BAZ2B: variants seen among roughly 807,000 people sequenced by gnomAD.
The protein encoded by BAZ2B is bromodomain adjacent to zinc finger domain 2B, also known as bromodomain adjacent to zinc finger domain protein 2B.
BAZ2B carries 91 observed loss-of-function variants against 246.0 expected under a neutral mutation model. That is an observed-to-expected ratio of 0.37 (90% CI 0.31 to 0.44). The LOEUF (loss-of-function observed/expected upper bound fraction) is 0.44, where lower values mean the gene tolerates loss of function less well. Among genes scored for constraint, BAZ2B ranks in the 20% least tolerant of loss-of-function variants. BAZ2B has a pLI of 1.00. For synonymous variants in BAZ2B, 855 were observed against 860.0 expected (o/e 0.99, Z 0.10); for missense variants, 2,332 against 2,533.7 (o/e 0.92, Z 1.71).
chr2:159,421,100 C>T (rs555932558), intron 13 of BAZ2B, among the ~76,000 whole-genome samples: 2 of 152,220 alleles, frequency 1.3e-5, no homozygotes, highest in Admixed American at 6.5e-5. Flanking sequence ...TTCCTCACTA[C>T]ATCTGTGGAC....
At chr2:159,365,917 A>C (rs925873135) in intron 27 of BAZ2B, among the ~76,000 whole-genome samples, 1 of 152,232 alleles carries the variant, frequency 6.6e-6, no homozygotes, top group Admixed American at 6.5e-5. Flanking sequence ...AACAGACTGT[A>C]CCAAATAATC....
At chr2:159,332,958 T>A (rs2065021793) in intron 33 of BAZ2B, 1 of 313,254 alleles carries the variant, frequency 3.2e-6, no homozygotes, top group Non-Finnish European at 5.9e-6. Flanking sequence ...TTCAGAAGCA[T>A]GTACACATTA....
At chr2:159,487,532 T>C (rs1369558404) in intron 2 of BAZ2B, among the ~76,000 whole-genome samples, 1 of 152,190 alleles carries the variant, frequency 6.6e-6, no homozygotes, top group Non-Finnish European at 1.5e-5. Flanking sequence ...GGTCTTTAAT[T>C]TCTAATTTCA....
chr2:159,462,827 A>T (rs6736104), intron 3 of BAZ2B: 85,102 of 1,549,676 alleles, frequency 0.055, 3,124 homozygotes, highest in African/African-American at 0.14. Context: ...TTTTAGCATA[A>T]ACAGTACAGA....
chr2:159,509,297 C>T (rs890065799), intron 2 of BAZ2B, among the ~76,000 whole-genome samples: 7 of 152,066 alleles, frequency 4.6e-5, no homozygotes, highest in Non-Finnish European at 8.8e-5. Context: ...ACTTTTAATT[C>T]TAATTACTTG....
chr2:159,529,268 T>C (rs1381024105), intron 2 of BAZ2B, among the ~76,000 whole-genome samples: 1 of 152,030 alleles, frequency 6.6e-6, no homozygotes, highest in East Asian at 1.9e-4. Context: ...GTACCACTGG[T>C]TTGGCAACAA....
chr2:159,323,597 G>A (rs1035262049), intron 36 of BAZ2B, among the ~76,000 whole-genome samples: 5 of 152,016 alleles, frequency 3.3e-5, no homozygotes, highest in Admixed American at 6.5e-5. Flanking sequence ...GAGGTCAGGA[G>A]TTCGAGACCA....
At chr2:159,413,794 G>A (rs2067206114) in intron 13 of BAZ2B, among the ~76,000 whole-genome samples, 1 of 152,196 alleles carries the variant, frequency 6.6e-6, no homozygotes, top group Non-Finnish European at 1.5e-5. Flanking sequence ...ATGACTGAGA[G>A]TTGATGATAT....
At chr2:159,491,120 A>G (rs1407497448) in intron 2 of BAZ2B, among the ~76,000 whole-genome samples, 1 of 152,304 alleles carries the variant, frequency 6.6e-6, no homozygotes, top group African/African-American at 2.4e-5. Context: ...TAACCTTAAA[A>G]CAAAATTTTT....
intron 2 of BAZ2B, among the ~76,000 whole-genome samples, chr2:159,537,075 T>C (rs1194893412): frequency 6.6e-6 from 1 of 152,186 alleles, no homozygotes; most frequent in Non-Finnish European, 1.5e-5. Flanking sequence ...CATTCAGCCT[T>C]AAAACGAAAG....
At chr2:159,657,701 C>G in the BAZ2B span, among the ~76,000 whole-genome samples, 3 of 152,168 alleles carry the variant, frequency 2.0e-5, no homozygotes, top group Non-Finnish European at 4.4e-5. Flanking sequence ...TATCTAAGTA[C>G]TTCTAGGGTT....
chr2:159,390,254 T>C (rs2063167550), intron 20 of BAZ2B, among the ~76,000 whole-genome samples: 1 of 152,172 alleles, frequency 6.6e-6, no homozygotes, highest in South Asian at 2.1e-4. Flanking sequence ...TAAAAGTCTT[T>C]TGATTTTCTA....
intron 2 of BAZ2B, among the ~76,000 whole-genome samples, chr2:159,531,024 A>G (rs1239429000): frequency 1.3e-5 from 2 of 152,142 alleles, no homozygotes; most frequent in African/African-American, 4.8e-5. Flanking sequence ...AATTCCTTCC[A>G]GTAAAAATAC....
At chr2:159,645,902 C>A in the BAZ2B span, among the ~76,000 whole-genome samples, 1 of 152,036 alleles carries the variant, frequency 6.6e-6, no homozygotes, top group African/African-American at 2.4e-5. Flanking sequence ...AATAGAATAT[C>A]ACAAGGCAAA....
chr2:159,402,519 G>A (rs1441214670), intron 16 of BAZ2B, among the ~76,000 whole-genome samples: 1 of 152,140 alleles, frequency 6.6e-6, no homozygotes, highest in Non-Finnish European at 1.5e-5. Flanking sequence ...TATCTTTTGT[G>A]TAATTTCCAA....
chr2:159,492,155 A>T (rs1293678771), intron 2 of BAZ2B, among the ~76,000 whole-genome samples: 1 of 152,200 alleles, frequency 6.6e-6, no homozygotes, highest in African/African-American at 2.4e-5. Context: ...TTCTTGCACC[A>T]TACTTTCCCA....
At chr2:159,696,641 C>A in the BAZ2B span, among the ~76,000 whole-genome samples, 1 of 152,212 alleles carries the variant, frequency 6.6e-6, no homozygotes, top group Non-Finnish European at 1.5e-5. Flanking sequence ...CCAGATCACC[C>A]TTGCTTTCCA....
At position 159,334,435 on chromosome 2, in the gene BAZ2B, T is replaced by C. The variant is rs1038068599; in HGVS notation, c.5797-1749A>G. The stretch of plus-strand genomic sequence containing the variant: ...AAATTATGACAACTCCCTCTTTTTC[T>C]TGATAACCTTGGTCTTTGTCCAAAA... On this transcript the variant is annotated intron_variant, in intron 33 of 36. Transcript: ENST00000392783. 2.6e-5 allele frequency among the ~76,000 whole-genome samples: 4 copies of C among 152,200 alleles called. No homozygotes were observed. In the South Asian group the frequency reaches 6.2e-4, roughly 24 times the overall value.
chr2:159,467,949 G>A (rs201619182), intron 3 of BAZ2B, among the ~76,000 whole-genome samples: 1 of 152,176 alleles, frequency 6.6e-6, no homozygotes, highest in East Asian at 1.9e-4. Context: ...AGGTGCAAGA[G>A]GTCAGAATTC....
Sources: gnomAD v4.1 joint callset for allele counts (sites outside exome capture counted in the v4.1 genomes callset) on GRCh38, gnomAD v4.1.1 for gene constraint, MANE v1.5 for transcripts, NCBI Gene and HGNC (gene_info 2026-07-23, HGNC 2026-07-21) for gene names.